Variants in ANKRD44 observed in about 807,000 individuals in gnomAD.
ANKRD44 encodes the protein ankyrin repeat domain 44.
In ANKRD44, 35 loss-of-function variants were observed where a neutral mutation model predicts 116.0. The observed-to-expected ratio is 0.30, with a 90% confidence interval of 0.23 to 0.40. The LOEUF is 0.40. Among genes scored for constraint, ANKRD44 ranks in the 10% least tolerant of loss-of-function variants. ANKRD44 has a pLI of 1.00. For synonymous variants in ANKRD44, 435 were observed against 461.8 expected, an observed-to-expected ratio of 0.94 and a Z score of 0.74; for missense variants, 1,014 against 1,242.6, an observed-to-expected ratio of 0.82 and a Z score of 2.77.
intron 1 of ANKRD44, among the ~76,000 whole-genome samples, chr2:197,282,520 G>A (rs146897176): frequency 6.6e-6 from 1 of 152,294 alleles, no homozygotes; most frequent in African/African-American, 2.4e-5. Flanking sequence ...GTGGTGTGAT[G>A]AGGACTTAGG....
At position 197,208,800 on chromosome 2, in the gene ANKRD44, AAAAAAAT is replaced by A. The variant is rs762808257; in HGVS notation, c.28-21701_28-21695del. Among the ~76,000 whole-genome samples the A allele has an allele frequency of 2.2e-4, 33 of 152,072 alleles. 1 individual carries two copies. Among genetic ancestry groups the A allele is most frequent in the African/African-American group, 7.0e-4 (29 of 41,506 alleles). ...GGGCGACAGAGCGAGACTCTGTCTC[AAAAAAAT>A]AAAAAATAAAAAATAAAAAAAAGAA... On this transcript the variant is annotated intron_variant, in intron 1 of 27. Coordinates refer to ENST00000282272, the MANE Select transcript of ANKRD44 (RefSeq NM_001195144.2).
chr2:196,994,560 G>A (rs1415872525), intron 26 of ANKRD44: 1 of 151,606 alleles, frequency 6.6e-6, no homozygotes, highest in African/African-American at 2.4e-5. Flanking sequence ...TGCCCAGGCT[G>A]GAGTGGTGCA....
At position 196,986,741 on chromosome 2, in the gene ANKRD44, T is replaced by C. The variant is rs2075841635; in HGVS notation, c.*2850A>G. 1.0e-6 allele frequency: 1 copy of C among 981,872 alleles called. No individual in the cohort carries two copies. Among genetic ancestry groups the C allele is most frequent in the Non-Finnish European group, 1.2e-6 (1 of 826,702 alleles). 60.8% of individuals were successfully genotyped at this position (981,872 alleles called of 1,614,324 possible). On this transcript the variant is annotated 3_prime_UTR_variant, in exon 28 of 28. Transcript: ENST00000282272. ...TCCATAGTATATTACAGTTAAGTAC[T>C]TCATTACGTTATTAGAGCATTCAGT...
chr2:197,132,574 A>G (rs1350474219), intron 4 of ANKRD44, among the ~76,000 whole-genome samples: 1 of 152,174 alleles, frequency 6.6e-6, no homozygotes, highest in Non-Finnish European at 1.5e-5. Flanking sequence ...TATCTGTGTT[A>G]TATGCAATTG....
Position 197,099,680 on chromosome 2 carries a change from T to C in ANKRD44, c.1100+136A>G, listed in dbSNP as rs1010093891. The C allele has an allele frequency of 4.5e-6, 6 of 1,321,506 alleles. No homozygotes were observed. The African/African-American group carries it at 9.0e-5, about 20-fold the overall frequency. 81.9% of individuals were successfully genotyped at this position (1,321,506 alleles called of 1,614,324 possible). ...TAAAAGGCACTTAATTTATTTAAAA[T>C]TTAATTTGTATTTAGTATAATGGTA... On this transcript the variant is annotated intron_variant, in intron 10 of 27. Transcript: ENST00000282272.
At chr2:197,111,727 TAA>T (rs2078572144) in intron 8 of ANKRD44, among the ~76,000 whole-genome samples, 1 of 145,520 alleles carries the variant, frequency 6.9e-6, no homozygotes, top group Non-Finnish European at 1.5e-5. Flanking sequence ...ACTTTTAAAA[TAA>T]AATAAAACAA....
chr2:197,189,575 A>G (rs576633658), intron 1 of ANKRD44, among the ~76,000 whole-genome samples: 1 of 152,368 alleles, frequency 6.6e-6, no homozygotes, highest in African/African-American at 2.4e-5. Flanking sequence ...GTTTCGACAA[A>G]AAAAAATATT....
intron 1 of ANKRD44, among the ~76,000 whole-genome samples, chr2:197,273,647 C>T (rs1457161352): frequency 1.3e-5 from 2 of 152,030 alleles, no homozygotes; most frequent in Admixed American, 6.6e-5. Context: ...CCAGCACCTG[C>T]GGCCTGGGCT....
intron 25 of ANKRD44, among the ~76,000 whole-genome samples, 180 bp downstream of exon 25, chr2:196,998,157 G>A (rs577915266): frequency 1.1e-4 from 16 of 152,138 alleles, no homozygotes; most frequent in African/African-American, 2.9e-4. Flanking sequence ...TCTTCAACAC[G>A]AATGCATTGT....
chr2:197,310,531 C>A, intron 1 of ANKRD44, 47 bp downstream of exon 1: 1 of 1,038,676 alleles, frequency 9.6e-7, no homozygotes, highest in Non-Finnish European at 1.2e-6. Context: ...GGGCTCCGCG[C>A]CGCCCCGCGC....
At chr2:197,219,654 A>C (rs2081539807) in intron 1 of ANKRD44, among the ~76,000 whole-genome samples, 1 of 152,218 alleles carries the variant, frequency 6.6e-6, no homozygotes, top group Non-Finnish European at 1.5e-5. Flanking sequence ...ACGGGACCCC[A>C]ATGAAAGGTT....
intron 16 of ANKRD44, among the ~76,000 whole-genome samples, chr2:197,035,917 T>C (rs1178677267): frequency 6.6e-6 from 1 of 152,076 alleles, no homozygotes; most frequent in African/African-American, 2.4e-5. Context: ...GTCTCAGAAC[T>C]GATATGATGT....
rs1031215617 is a variant in ANKRD44 at position 197,252,564 on chromosome 2, G to A, written c.27+58014C>T. ...TGGGACTACAGGCGCCCGCCACCAC[G>A]CCCGGCTAATTTTTTGCGTTTTTAG... On this transcript the variant is annotated intron_variant, in intron 1 of 27. Transcript: ENST00000282272. Among the ~76,000 whole-genome samples the A allele has an allele frequency of 1.3e-4, 19 of 151,956 alleles. 1 individual carries two copies. Among genetic ancestry groups the A allele is most frequent in the Admixed American group, 1.3e-4 (2 of 15,260 alleles).
At chr2:197,205,571 C>T (rs752898171) in intron 1 of ANKRD44, among the ~76,000 whole-genome samples, 3 of 152,214 alleles carry the variant, frequency 2.0e-5, no homozygotes, top group African/African-American at 4.8e-5. Flanking sequence ...AGATCCCATG[C>T]TAGTTCAACT....
chr2:196,990,530 C>T, intron 27 of ANKRD44: 1 of 1,228,856 alleles, frequency 8.1e-7, no homozygotes, highest in East Asian at 3.2e-5. Flanking sequence ...ACCCAACAGC[C>T]TCACTGCCCT....
chr2:196,999,170 A>C (rs2076068611), intron 23 of ANKRD44, 118 bp from the exon 24 acceptor site: 1 of 1,245,016 alleles, frequency 8.0e-7, no homozygotes, highest in Non-Finnish European at 1.1e-6. Context: ...CAGTTTATAG[A>C]CATAGTGATC....
intron 2 of ANKRD44, among the ~76,000 whole-genome samples, chr2:197,174,101 T>C (rs2080306022): frequency 2.0e-5 from 3 of 152,200 alleles, no homozygotes; most frequent in Admixed American, 2.0e-4. Flanking sequence ...AGTACAGTCC[T>C]TATGAAAATT....
chr2:197,273,250 A>C (rs2082949599), intron 1 of ANKRD44, among the ~76,000 whole-genome samples: 1 of 152,236 alleles, frequency 6.6e-6, no homozygotes, highest in African/African-American at 2.4e-5. Flanking sequence ...GACATTTAAG[A>C]AGCCATGGAT....
At chr2:197,204,893 G>A (rs189448451) in intron 1 of ANKRD44, among the ~76,000 whole-genome samples, 6 of 152,336 alleles carry the variant, frequency 3.9e-5, no homozygotes, top group Admixed American at 2.0e-4. Flanking sequence ...GGCAGAACCC[G>A]ATCTAAAGGC....
Sources: gnomAD v4.1 joint callset for allele counts (sites outside exome capture counted in the v4.1 genomes callset) on GRCh38, gnomAD v4.1.1 for gene constraint, MANE v1.5 for transcripts, NCBI Gene and HGNC (gene_info 2026-07-23, HGNC 2026-07-21) for gene names.